The following BCO1 variants were observed in gnomAD, a reference collection of about 807,000 sequenced individuals.
BCO1 encodes the protein beta,beta-carotene 15,15'-dioxygenase.
In BCO1, 54 loss-of-function variants were observed where a neutral mutation model predicts 56.3. That is an observed-to-expected ratio of 0.96 (90% CI 0.77 to 1.20). The LOEUF (loss-of-function observed/expected upper bound fraction) is 1.20, where lower values mean the gene tolerates loss of function less well. Ranked by LOEUF, BCO1 falls within the 50% of genes most tolerant of loss-of-function variation. The pLI is 0.00. For synonymous variants in BCO1, 318 were observed against 266.1 expected (o/e 1.20, Z -1.90); for missense variants, 801 against 690.9 (o/e 1.16, Z -1.79).
At chr16:81,287,791 C>T (rs192926412) in intron 10 of BCO1, among the ~76,000 whole-genome samples, 76 of 152,224 alleles carry the variant, frequency 5.0e-4, no homozygotes, top group South Asian at 4.1e-4. Context: ...GGTGCCTCTC[C>T]AAGTAGAGTC....
intron 9 of BCO1, among the ~76,000 whole-genome samples, chr16:81,285,921 A>G (rs1798027920): frequency 1.3e-5 from 2 of 152,188 alleles, no homozygotes; most frequent in South Asian, 4.1e-4. Context: ...CACTGAGGGT[A>G]AGGAAGTCAG....
chr16:81,242,877 G>A (rs184795570), intron 1 of BCO1, among the ~76,000 whole-genome samples: 309 of 152,194 alleles, frequency 2.0e-3, no homozygotes, highest in Non-Finnish European at 2.2e-3. Flanking sequence ...TACTGTGAGC[G>A]TGAACCCTGT....
intron 9 of BCO1, among the ~76,000 whole-genome samples, chr16:81,286,797 C>T (rs998416521): frequency 6.7e-6 from 1 of 149,332 alleles, no homozygotes; most frequent in African/African-American, 2.5e-5. Context: ...GGGGAGGAGG[C>T]CGGGCGCGGT....
chr16:81,246,990 A>G (rs1337267426), intron 2 of BCO1, among the ~76,000 whole-genome samples: 3 of 152,330 alleles, frequency 2.0e-5, no homozygotes, highest in African/African-American at 7.2e-5. Context: ...GGATAAATAT[A>G]GGGCATCACA....
chr16:81,278,883 T>C (rs1907706780), intron 7 of BCO1, among the ~76,000 whole-genome samples: 1 of 151,898 alleles, frequency 6.6e-6, no homozygotes, highest in Non-Finnish European at 1.5e-5. Context: ...TTAAACAAAT[T>C]TCCGAGGACC....
intron 1 of BCO1, among the ~76,000 whole-genome samples, chr16:81,240,922 C>T (rs1270335293): frequency 6.7e-6 from 1 of 149,048 alleles, no homozygotes; most frequent in Admixed American, 6.7e-5. Context: ...ACAACCTCTG[C>T]CTCCTGGGTT....
intron 2 of BCO1, among the ~76,000 whole-genome samples, chr16:81,251,210 A>G (rs750591141): frequency 6.6e-6 from 1 of 152,188 alleles, no homozygotes; most frequent in African/African-American, 2.4e-5. Context: ...ACAAAAAGGC[A>G]GAAAATAGCT....
chr16:81,244,661 G>C (rs78851412), intron 1 of BCO1, among the ~76,000 whole-genome samples: 6 of 151,618 alleles, frequency 4.0e-5, no homozygotes, highest in African/African-American at 1.5e-4. Flanking sequence ...CAGCCCACCC[G>C]AGGGCTGTTC....
At chr16:81,282,990 G>C (rs923138126) in intron 8 of BCO1, among the ~76,000 whole-genome samples, 1 of 152,222 alleles carries the variant, frequency 6.6e-6, no homozygotes, top group African/African-American at 2.4e-5. Context: ...TATTAGAACA[G>C]TCCTAAGAAG....
Position 81,264,677 on chromosome 16 carries a change from C to G in BCO1, c.509C>G (p.Thr170Arg). 6.2e-7 allele frequency: 1 copy of G among 1,614,098 alleles called. No individual in the cohort carries two copies. ...YRKYVAVNLA[T>R]SHPHYDEAGN... Reference sequence around the variant, plus strand: ...AAATACGTGGCGGTAAATCTGGCAACGTCACATCCCCATTATGATGAGGCT... The same window carrying G: ...AAATACGTGGCGGTAAATCTGGCAAGGTCACATCCCCATTATGATGAGGCT... Residue 170 changes from threonine to arginine, a missense_variant, in exon 5 of 11, where the codon ACG (threonine) becomes AGG (arginine). Coordinates refer to ENST00000258168, the MANE Select transcript of BCO1 (RefSeq NM_017429.3).
At chr16:81,263,989 G>A (rs1166375945) in intron 4 of BCO1, 1 of 157,014 alleles carries the variant, frequency 6.4e-6, no homozygotes, top group East Asian at 1.9e-4. Flanking sequence ...CTGGGCTGGA[G>A]GTTGTGTTTT....
intron 7 of BCO1, among the ~76,000 whole-genome samples, chr16:81,275,393 T>C (rs1048370765): frequency 1.3e-5 from 2 of 152,236 alleles, no homozygotes; most frequent in Non-Finnish European, 2.9e-5. Context: ...CCCCCAGTGA[T>C]TCTGCAGTGC....
intron 5 of BCO1, among the ~76,000 whole-genome samples, chr16:81,267,602 G>A (rs1906906408): frequency 6.6e-6 from 1 of 152,196 alleles, no homozygotes; most frequent in South Asian, 2.1e-4. Flanking sequence ...AGCAGAGGGA[G>A]ACTCTATCTC....
intron 6 of BCO1, 82 bp downstream of exon 6, chr16:81,268,213 G>C: frequency 7.7e-7 from 1 of 1,294,302 alleles, no homozygotes; most frequent in Non-Finnish European, 1.1e-6. Context: ...GAAGTTTAAG[G>C]CAAGGAAGTG....
chr16:81,285,490 T>C (rs776806406), intron 8 of BCO1, 50 bp from the exon 9 acceptor site: 5 of 1,351,558 alleles, frequency 3.7e-6, no homozygotes, highest in Non-Finnish European at 5.3e-6. Flanking sequence ...GGGTGGATGC[T>C]CCCAGCCCCC....
chr16:81,242,577 C>G (rs1384515729), intron 1 of BCO1, among the ~76,000 whole-genome samples: 2 of 152,112 alleles, frequency 1.3e-5, no homozygotes, highest in African/African-American at 4.8e-5. Context: ...TCTGTGTGTT[C>G]CATCTATCTT....
chr16:81,284,839 C>CTTTTTTTTTTTTTTTTT, intron 8 of BCO1, among the ~76,000 whole-genome samples: 1 of 136,422 alleles, frequency 7.3e-6, no homozygotes, highest in Non-Finnish European at 1.6e-5. Flanking sequence ...CTTTTCTTTT[C>CTTTTTTTTTTTTTTTTT]TTTTTTTTTT....
chr16:81,261,284 T>G (rs115410647), intron 3 of BCO1, among the ~76,000 whole-genome samples: 1,580 of 152,324 alleles, frequency 0.01, 26 homozygotes, highest in African/African-American at 0.036. Flanking sequence ...ATTTGCCAAT[T>G]TCATCACCCA....
At chr16:81,286,607 G>A (rs1337888449) in intron 9 of BCO1, among the ~76,000 whole-genome samples, 1 of 152,158 alleles carries the variant, frequency 6.6e-6, no homozygotes, top group Non-Finnish European at 1.5e-5. Context: ...TGTAATCCTA[G>A]CACTTTGGGA....
Sources: allele counts gnomAD v4.1 joint callset (sites outside exome capture counted in the v4.1 genomes callset), GRCh38; gene constraint gnomAD v4.1.1; transcripts MANE v1.5; gene names NCBI Gene and HGNC (gene_info 2026-07-23, HGNC 2026-07-21).